The following ATP6V0D2 variants were observed in gnomAD, a reference collection of about 807,000 sequenced individuals.
The protein encoded by ATP6V0D2 is V-type proton ATPase subunit d 2.
ATP6V0D2 carries 40 observed loss-of-function variants against 40.0 expected under a neutral mutation model. The observed-to-expected ratio is 1.00, with a 90% CI of 0.78 to 1.30. ATP6V0D2 has a LOEUF of 1.30. Among genes scored for constraint, ATP6V0D2 ranks in the 50% most tolerant of loss-of-function variants. ATP6V0D2 has a pLI of 0.00. For synonymous variants in ATP6V0D2, 179 were observed against 156.3 expected (o/e 1.15, Z -1.08); for missense variants, 470 against 423.1 (o/e 1.11, Z -0.97).
intron 2 of ATP6V0D2, among the ~76,000 whole-genome samples, chr8:86,126,744 T>C (rs1298699154): frequency 3.3e-5 from 5 of 152,132 alleles, no homozygotes; most frequent in South Asian, 2.1e-4. Context: ...TACTAGAATA[T>C]GGCCTTAAAG....
chr8:86,101,821 A>T (rs1818403050), intron 1 of ATP6V0D2, among the ~76,000 whole-genome samples: 1 of 152,120 alleles, frequency 6.6e-6, no homozygotes, highest in Non-Finnish European at 1.5e-5. Flanking sequence ...CCTGTGCTCT[A>T]CTGCTTTATT....
intron 4 of ATP6V0D2, among the ~76,000 whole-genome samples, chr8:86,142,103 T>C (rs1818982886): frequency 6.6e-6 from 1 of 152,198 alleles, no homozygotes. Context: ...CCATTTTTAG[T>C]CAAATAACCA....
chr8:86,100,473 G>T (rs2130219846), intron 1 of ATP6V0D2, among the ~76,000 whole-genome samples: 1 of 152,316 alleles, frequency 6.6e-6, no homozygotes. Context: ...AATTAGGGCT[G>T]AAGGGTCCTG....
chr8:86,142,988 A>G (rs751112867), intron 5 of ATP6V0D2, 34 bp downstream of exon 5: 5 of 1,438,278 alleles, frequency 3.5e-6, no homozygotes, highest in Admixed American at 1.8e-5. Flanking sequence ...GTTATGCTAA[A>G]TAAGGTGCTT....
chr8:86,145,216 AAAG>A (rs1439542248), intron 5 of ATP6V0D2, among the ~76,000 whole-genome samples: 1 of 23,706 alleles, frequency 4.2e-5, no homozygotes, highest in African/African-American at 2.4e-4. Flanking sequence ...AGAAAGAAAG[AAAG>A]AAAGAAAGAA....
chr8:86,127,829 A>G (rs1162803911), intron 2 of ATP6V0D2, among the ~76,000 whole-genome samples: 2 of 152,222 alleles, frequency 1.3e-5, no homozygotes, highest in Non-Finnish European at 2.9e-5. Flanking sequence ...AATGGTTGTC[A>G]TTAAGAATTA....
chr8:86,140,522 A>C (rs1263252662), intron 3 of ATP6V0D2, among the ~76,000 whole-genome samples: 1 of 152,172 alleles, frequency 6.6e-6, no homozygotes, highest in Non-Finnish European at 1.5e-5. Flanking sequence ...TTTTTATAAC[A>C]GAGTTTTAAA....
At chr8:86,122,278 G>A (rs1251432166) in intron 2 of ATP6V0D2, among the ~76,000 whole-genome samples, 2 of 152,174 alleles carry the variant, frequency 1.3e-5, no homozygotes, top group African/African-American at 4.8e-5. Flanking sequence ...TACTTAAACA[G>A]TAATGAGTAA....
intron 1 of ATP6V0D2, among the ~76,000 whole-genome samples, chr8:86,106,377 C>G (rs1213294735): frequency 6.6e-6 from 1 of 152,170 alleles, no homozygotes; most frequent in African/African-American, 2.4e-5. Context: ...AAACAATCCT[C>G]CTGCTTCAGC....
At chr8:86,124,038 T>C (rs962559474) in intron 2 of ATP6V0D2, among the ~76,000 whole-genome samples, 9 of 152,314 alleles carry the variant, frequency 5.9e-5, no homozygotes, top group Non-Finnish European at 1.2e-4. Context: ...TTTCTAATAA[T>C]ATGAAATTGG....
chr8:86,140,866 T>G (rs1378905390), intron 3 of ATP6V0D2, among the ~76,000 whole-genome samples: 1 of 152,104 alleles, frequency 6.6e-6, no homozygotes, highest in Non-Finnish European at 1.5e-5. Context: ...CTGTAATATA[T>G]AATGAAATAA....
intron 5 of ATP6V0D2, among the ~76,000 whole-genome samples, chr8:86,143,353 A>C (rs913293174): frequency 6.6e-6 from 1 of 152,234 alleles, no homozygotes; most frequent in African/African-American, 2.4e-5. Context: ...ATTTGGGTCC[A>C]TAGAGTAAAG....
At chr8:86,149,977 C>T (rs979096865) in intron 5 of ATP6V0D2, 135 bp from the exon 6 acceptor site, 14 of 791,086 alleles carry the variant, frequency 1.8e-5, no homozygotes, top group Middle Eastern at 3.9e-4. Flanking sequence ...ACTAATAACA[C>T]ATGTCTGGAG....
At chr8:86,141,416 A>G (rs1818970234) in intron 3 of ATP6V0D2, 34 bp from the exon 4 acceptor site, 1 of 1,543,870 alleles carries the variant, frequency 6.5e-7, no homozygotes, top group East Asian at 2.3e-5. Flanking sequence ...CTTGCTTAAG[A>G]TTCATTTTTT....
intron 5 of ATP6V0D2, among the ~76,000 whole-genome samples, chr8:86,145,301 GAAAGAAAGA>G (rs1819046306): frequency 8.9e-5 from 8 of 89,778 alleles, no homozygotes; most frequent in African/African-American, 3.3e-4. Flanking sequence ...AAGAAAGAAA[GAAAGAAAGA>G]AAAGAAAGAA....
intron 5 of ATP6V0D2, among the ~76,000 whole-genome samples, chr8:86,149,080 T>C (rs1331372501): frequency 1.9e-5 from 1 of 52,132 alleles, no homozygotes; most frequent in Non-Finnish European, 3.9e-5. Flanking sequence ...AAAAAACCAA[T>C]GAACAAGAAA....
chr8:86,109,158 C>T (rs1818504619), intron 1 of ATP6V0D2, among the ~76,000 whole-genome samples: 2 of 152,096 alleles, frequency 1.3e-5, no homozygotes, highest in Non-Finnish European at 1.5e-5. Context: ...GGTTCTGTCC[C>T]TTACTGTTTT....
chr8:86,142,857 T>C lies in ATP6V0D2; in HGVS notation c.562-20T>C. On this transcript the variant is annotated intron_variant, in intron 4 of 7. Transcript: ENST00000285393. ...AATATATATTCATTATATCACTTTA[T>C]GATCTTTTTTCTTTTTAAGTCTTAC... 4.1e-6 allele frequency: 6 copies of C among 1,465,186 alleles called. No individual in the cohort carries two copies. The highest frequency in any genetic ancestry group is 4.7e-6 in the Non-Finnish European group (5 of 1,054,172). The allele number at this position is 1,465,186 out of a possible 1,614,324, so 90.8% of individuals were successfully genotyped here.
rs537074055 is a variant in ATP6V0D2, at chr8:86,139,581, A to G, written c.427A>G (p.Ile143Val). 2 of 1,613,576 alleles carry G rather than the reference A, an allele frequency of 1.2e-6. No homozygotes were observed. Among genetic ancestry groups the G allele is most frequent in the East Asian group, 4.5e-5 (2 of 44,844 alleles). Residue 143 changes from isoleucine (I) to valine (V), a missense_variant, in exon 3 of 8, where the codon ATT (isoleucine) becomes GTT (valine). Transcript: ENST00000285393. ...GRFTEMEAVN[I>V]AETPSDLFNA... The stretch of plus-strand genomic sequence containing the variant: ...TTTCACAGAAATGGAAGCTGTCAAC[A>G]TTGCAGAGACACCTTCAGATCTCTT...
Sources: allele counts gnomAD v4.1 joint callset (sites outside exome capture counted in the v4.1 genomes callset), GRCh38; gene constraint gnomAD v4.1.1; transcripts MANE v1.5; gene names NCBI Gene and HGNC (gene_info 2026-07-23, HGNC 2026-07-21).